ACOT7: variants seen among roughly 807,000 people sequenced by gnomAD.
ACOT7 encodes the protein acyl-CoA thioesterase 7.
In ACOT7, 12 loss-of-function variants were observed where a neutral mutation model predicts 40.2. The observed-to-expected ratio is 0.30, with a 90% CI of 0.19 to 0.48. The LOEUF (loss-of-function observed/expected upper bound fraction) is 0.48, where lower values mean the gene tolerates loss of function less well. Ranked by LOEUF, ACOT7 falls within the 20% of genes least tolerant of loss-of-function variation. The pLI, the probability that ACOT7 is intolerant of heterozygous loss-of-function variation, is 0.99. For missense variants in ACOT7, 395 were observed against 530.8 expected, an observed-to-expected ratio of 0.74 and a Z score of 2.51; for synonymous variants, 228 against 219.5, an observed-to-expected ratio of 1.04 and a Z score of -0.34.
At chr1:6,337,759 G>A (rs1410810114) in intron 3 of ACOT7, among the ~76,000 whole-genome samples, 1 of 152,154 alleles carries the variant, frequency 6.6e-6, no homozygotes, top group East Asian at 1.9e-4. Context: ...TGGATCACCT[G>A]AGGTCAGGAG....
At chr1:6,329,863 C>T (rs1432969778) in intron 4 of ACOT7, among the ~76,000 whole-genome samples, 3 of 152,194 alleles carry the variant, frequency 2.0e-5, no homozygotes, top group Admixed American at 6.5e-5. Flanking sequence ...TCCAGGGCTG[C>T]GGCTGCCCCT....
chr1:6,334,224 C>T (rs1321139470), intron 3 of ACOT7, among the ~76,000 whole-genome samples: 1 of 152,254 alleles, frequency 6.6e-6, no homozygotes, highest in East Asian at 1.9e-4. Flanking sequence ...CAACTGATCG[C>T]TGCTGACATC....
At position 6,384,591 on chromosome 1, in the gene ACOT7, G is replaced by A. The variant is rs543084783; in HGVS notation, c.143+8666C>T. ...TCTCCAACTCTCCGACACTAGGTGG[G>A]TGTCCTACAATTCAAGTAAAGTCTG... On this transcript the variant is annotated intron_variant, in intron 1 of 8. Coordinates refer to ENST00000361521, the MANE Select transcript of ACOT7 (RefSeq NM_007274.4). Among the ~76,000 whole-genome samples, 67 of 151,962 alleles carry A rather than the reference G, an allele frequency of 4.4e-4. 1 individual carries two copies. Among genetic ancestry groups the A allele is most frequent in the Admixed American group, 9.8e-4 (15 of 15,278 alleles).
chr1:6,268,424 CT>C (rs1159334555), intron 8 of ACOT7, among the ~76,000 whole-genome samples: 1 of 152,166 alleles, frequency 6.6e-6, no homozygotes, highest in Non-Finnish European at 1.5e-5. Flanking sequence ...AAGCAAAAAA[CT>C]AACTAGACCT....
In ACOT7 at chr1:6,381,094, T is replaced by G. The variant is rs768038341; in HGVS notation, c.143+12163A>C. Among the ~76,000 whole-genome samples the G allele has an allele frequency of 2.8e-4, 43 of 151,860 alleles. 2 individuals carry two copies. The highest frequency in any genetic ancestry group is 3.2e-3 in the Middle Eastern group (1 of 316). On this transcript the variant is annotated intron_variant, in intron 1 of 8. Transcript: ENST00000361521. ...AAATACCACACTATACCCATAAATA[T>G]GTACAATTATTATGTGTCAAAAACA...
At chr1:6,300,967 T>C (rs1347759962) in intron 6 of ACOT7, among the ~76,000 whole-genome samples, 2 of 152,208 alleles carry the variant, frequency 1.3e-5, no homozygotes, top group Non-Finnish European at 2.9e-5. Context: ...AGGGGTAGGA[T>C]GGGACCGGAC....
chr1:6,268,676 G>C (rs539537364), intron 8 of ACOT7, among the ~76,000 whole-genome samples: 3 of 152,218 alleles, frequency 2.0e-5, no homozygotes, highest in Non-Finnish European at 2.9e-5. Flanking sequence ...CCACGCACGC[G>C]GCACGGCCCG....
At position 6,339,592 on chromosome 1, in the gene ACOT7, G is replaced by A; in HGVS notation, c.262-3C>T. On this transcript the variant is annotated splice_polypyrimidine_tract_variant and splice_region_variant and intron_variant, in intron 2 of 8. Transcript: ENST00000361521. The stretch of plus-strand genomic sequence containing the variant: ...GCCAGGGCGGCCACACAGCGCTCCT[G>A]TGGAGACAGAGGCAGTTGTCAGCCC... The A allele has an allele frequency of 6.2e-7, 1 of 1,611,572 alleles. No homozygotes were observed. The highest frequency in any genetic ancestry group is 8.5e-7 in the Non-Finnish European group (1 of 1,178,544).
rs1325655625 is a variant in ACOT7, at chr1:6,355,738, C to T, written c.144-5872G>A. ...ACAGCTCAAAACTCAGATCTCATCACACCAGAGGCCGGCCAGCACTCATCC... is the reference window on the plus strand; with the variant it reads ...ACAGCTCAAAACTCAGATCTCATCATACCAGAGGCCGGCCAGCACTCATCC... On this transcript the variant is annotated intron_variant, in intron 1 of 8. Transcript: ENST00000361521. This position sits in a 1 kb window ranked among gnomAD's most constrained non-coding sequence, Gnocchi z 5.0. 6.6e-6 allele frequency among the ~76,000 whole-genome samples: 1 copy of T among 152,256 alleles called. No homozygotes were observed. The highest frequency in any genetic ancestry group is 1.5e-5 in the Non-Finnish European group (1 of 68,046).
rs1168765507 is a variant in ACOT7 at position 6,338,323 on chromosome 1, T to C, written c.418+1110A>G. ...CAGGGAACCCCCAAGGCCCCTAAAG[T>C]GGGGAACCCACCCAGCCCTGAGCCT... is the stretch of plus-strand genomic sequence containing the variant. On this transcript the variant is annotated intron_variant, in intron 3 of 8. Coordinates refer to ENST00000361521, the MANE Select transcript of ACOT7 (RefSeq NM_007274.4). This position sits in a 1 kb window ranked among gnomAD's most constrained non-coding sequence, Gnocchi z 4.4. Among the ~76,000 whole-genome samples the C allele has an allele frequency of 6.6e-6, 1 of 152,114 alleles. No individual in the cohort carries two copies. Among genetic ancestry groups the C allele is most frequent in the Non-Finnish European group, 1.5e-5 (1 of 68,014 alleles).
intron 1 of ACOT7, among the ~76,000 whole-genome samples, chr1:6,372,277 C>T (rs1354375890): frequency 6.6e-6 from 1 of 152,160 alleles, no homozygotes; most frequent in Non-Finnish European, 1.5e-5. Context: ...AAGAGAGTTA[C>T]GGCCTTGCTC....
intron 8 of ACOT7, among the ~76,000 whole-genome samples, chr1:6,276,605 T>A (rs72854308): frequency 0.022 from 3,322 of 150,872 alleles, 126 homozygotes; most frequent in African/African-American, 0.076. Context: ...GGGAGGCGAC[T>A]GGGAGTAGGA....
At chr1:6,362,663 G>A (rs146101239) in intron 1 of ACOT7, among the ~76,000 whole-genome samples, 14 of 152,248 alleles carry the variant, frequency 9.2e-5, no homozygotes, top group African/African-American at 2.9e-4. Context: ...CTCCCCAACC[G>A]AAACTCACTG....
chr1:6,393,543 A>G lies in ACOT7; in HGVS notation c.-144T>C, dbSNP rs1642575757. The G allele has an allele frequency of 4.3e-6, 3 of 702,160 alleles. No individual in the cohort carries two copies. Among genetic ancestry groups the G allele is most frequent in the East Asian group, 8.0e-5 (2 of 25,032 alleles). The allele number at this position is 702,160 out of a possible 1,614,324, so 43.5% of individuals were successfully genotyped here. A position where few individuals can be genotyped will look rare whatever the true frequency, so the allele number is the denominator to read the frequency against. On this transcript the variant is annotated 5_prime_UTR_variant, in exon 1 of 9. Transcript: ENST00000361521. Reference sequence around the variant, plus strand: ...CCGCCTCCCAGGCCGCCAAGGCTGCAGAGAGCTCGCGCGGGCGTACGATTC... The same window carrying G: ...CCGCCTCCCAGGCCGCCAAGGCTGCGGAGAGCTCGCGCGGGCGTACGATTC...
intron 8 of ACOT7, among the ~76,000 whole-genome samples, chr1:6,277,740 G>A (rs1050708642): frequency 3.9e-5 from 6 of 152,166 alleles, no homozygotes; most frequent in Non-Finnish European, 7.3e-5. Context: ...CCTGTCCCCC[G>A]GCACACTCCG....
At chr1:6,287,179 C>G (rs1186990559) in intron 7 of ACOT7, among the ~76,000 whole-genome samples, 1 of 152,246 alleles carries the variant, frequency 6.6e-6, no homozygotes, top group African/African-American at 2.4e-5. Flanking sequence ...GGGCAGGCCT[C>G]AAAGGTGGCT....
In ACOT7 at chr1:6,333,348, G is replaced by T. The variant is rs1641012107; in HGVS notation, c.510+129C>A. ...GGGACACTGCCTGCTGGCGGACCTG[G>T]CCCCCTGTGCCCTAGCTCTGGCCTG... is the stretch of plus-strand genomic sequence containing the variant. On this transcript the variant is annotated intron_variant, in intron 4 of 8. Transcript: ENST00000361521. 3.0e-6 allele frequency: 3 copies of T among 1,000,554 alleles called. No homozygotes were observed. The South Asian group carries it at 4.5e-5, about 15-fold the overall frequency. The allele number at this position is 1,000,554 out of a possible 1,614,324, so 62.0% of individuals were successfully genotyped here. A position where few individuals can be genotyped will look rare whatever the true frequency, so the allele number is the denominator to read the frequency against.
rs1641718782 is a variant in ACOT7 at position 6,355,498 on chromosome 1, C to A, written c.144-5632G>T. On this transcript the variant is annotated intron_variant, in intron 1 of 8. Transcript: ENST00000361521. The surrounding 1 kb of genome is among the most constrained non-coding windows in gnomAD (Gnocchi z 5.0). Reference sequence around the variant, plus strand: ...AGACCAGCTGTCAGGTGAAAAACAGCAAGGCACAGAGCCATGGGAGCAAGG... The same window carrying A: ...AGACCAGCTGTCAGGTGAAAAACAGAAAGGCACAGAGCCATGGGAGCAAGG... Among the ~76,000 whole-genome samples the A allele has an allele frequency of 6.6e-6, 1 of 152,154 alleles. No individual in the cohort carries two copies. The highest frequency in any genetic ancestry group is 2.4e-5 in the African/African-American group (1 of 41,424).
chr1:6,362,525 G>A (rs979650167), intron 1 of ACOT7, among the ~76,000 whole-genome samples: 24 of 151,866 alleles, frequency 1.6e-4, no homozygotes, highest in African/African-American at 5.8e-4. Context: ...ATAGAAAGAA[G>A]GTAGGAAATG....
Sources: allele counts gnomAD v4.1 joint callset (sites outside exome capture counted in the v4.1 genomes callset), GRCh38; gene constraint gnomAD v4.1.1; non-coding constraint Gnocchi (gnomAD v3.1); transcripts MANE v1.5; gene names NCBI Gene and HGNC (gene_info 2026-07-23, HGNC 2026-07-21).